The following GRIK1 variants were observed in gnomAD, a reference collection of about 807,000 sequenced individuals.
The protein encoded by GRIK1 is glutamate ionotropic receptor kainate type subunit 1.
GRIK1 carries 69 observed loss-of-function variants against 105.7 expected under a neutral mutation model. The ratio of observed to expected loss-of-function variants is 0.65; its 90% CI spans 0.54 to 0.80. GRIK1 has a LOEUF of 0.80. GRIK1 is among the 30% of genes least tolerant of loss of function. The pLI is 0.00. For missense variants in GRIK1, 1,109 were observed against 1,167.3 expected (o/e 0.95, Z 0.73); for synonymous variants, 438 against 431.3 (o/e 1.02, Z -0.19).
intron 1 of GRIK1, chr21:29,763,613 T>C (rs2065583659): frequency 6.6e-6 from 1 of 152,444 alleles, no homozygotes; most frequent in East Asian, 1.9e-4. Flanking sequence ...ACTCTGATGA[T>C]AGAACAAGAG....
rs762130891 is a variant in GRIK1 at position 29,582,695 on chromosome 21, G to C, written c.1794-1152C>G. ...CAAGTGGTACTTATTTTTCCAAAAA[G>C]ACATTAGCAGAAGCTCAACGAAGTG... On this transcript the variant is annotated intron_variant, in intron 12 of 17. Coordinates refer to ENST00000327783, the MANE Select transcript of GRIK1 (RefSeq NM_001330994.2). Among the ~76,000 whole-genome samples, 5 of 152,252 alleles carry C rather than the reference G, an allele frequency of 3.3e-5. 1 individual carries two copies. The highest frequency in any genetic ancestry group is 4.4e-5 in the Non-Finnish European group (3 of 68,022).
chr21:29,670,591 A>G (rs1163321164), intron 4 of GRIK1, among the ~76,000 whole-genome samples: 1 of 152,208 alleles, frequency 6.6e-6, no homozygotes, highest in East Asian at 1.9e-4. Context: ...GTGGCCAGTT[A>G]TGTGAGACAA....
intron 1 of GRIK1, among the ~76,000 whole-genome samples, chr21:29,895,937 G>A (rs2070134940): frequency 1.3e-5 from 2 of 152,114 alleles, no homozygotes; most frequent in African/African-American, 2.4e-5. Flanking sequence ...TCCTCTCCTT[G>A]TTTCCTTTGC....
rs2123630794 is a variant in GRIK1, at chr21:29,537,188, T to C, written c.*42A>G. 6.8e-7 allele frequency: 1 copy of C among 1,462,268 alleles called. No homozygotes were observed. The highest frequency in any genetic ancestry group is 2.3e-5 in the East Asian group (1 of 43,072). 90.6% of individuals were successfully genotyped at this position (1,462,268 alleles called of 1,614,324 possible). A position where few individuals can be genotyped will look rare whatever the true frequency, so the allele number is the denominator to read the frequency against. On this transcript the variant is annotated 3_prime_UTR_variant, in exon 18 of 18. Transcript: ENST00000327783. ...CAGAAATCCTTTCTCCAAAAATCTG[T>C]AGGGAATGCATCCTTTTTCTTCCTA...
chr21:29,887,104 T>C (rs1454006724), intron 1 of GRIK1, among the ~76,000 whole-genome samples: 1 of 152,212 alleles, frequency 6.6e-6, no homozygotes, highest in Non-Finnish European at 1.5e-5. Flanking sequence ...ATTATCTGAC[T>C]AGCTGAAACT....
At chr21:29,889,810 A>G (rs1254005799) in intron 1 of GRIK1, among the ~76,000 whole-genome samples, 2 of 152,094 alleles carry the variant, frequency 1.3e-5, no homozygotes, top group Non-Finnish European at 2.9e-5. Flanking sequence ...GGCATCCTGT[A>G]TTTTAAGTAA....
At chr21:29,896,329 C>A (rs1045111250) in intron 1 of GRIK1, among the ~76,000 whole-genome samples, 1 of 152,174 alleles carries the variant, frequency 6.6e-6, no homozygotes, top group African/African-American at 2.4e-5. Flanking sequence ...TTCAGTATCA[C>A]ACTGCAATAT....
intron 1 of GRIK1, among the ~76,000 whole-genome samples, chr21:29,857,541 T>C (rs1251876348): frequency 2.6e-5 from 4 of 152,210 alleles, no homozygotes; most frequent in Non-Finnish European, 4.4e-5. Flanking sequence ...TAGAAACAAC[T>C]TAAAGCCTTT....
intron 16 of GRIK1, among the ~76,000 whole-genome samples, chr21:29,546,374 A>G (rs187848409): frequency 6.6e-6 from 1 of 152,344 alleles, no homozygotes; most frequent in Non-Finnish European, 1.5e-5. Context: ...ACAGTGGCAT[A>G]CAAAATGTCT....
At chr21:29,814,373 T>C (rs1428410869) in intron 1 of GRIK1, among the ~76,000 whole-genome samples, 1 of 152,092 alleles carries the variant, frequency 6.6e-6, no homozygotes, top group Non-Finnish European at 1.5e-5. Context: ...CTTATGTAAC[T>C]TAGATGTTCC....
Position 29,587,529 on chromosome 21 carries a change from A to G in GRIK1, c.1630T>C (p.Phe544Leu). 1 of 1,613,880 alleles carries G rather than the reference A, an allele frequency of 6.2e-7. No individual in the cohort carries two copies. Among genetic ancestry groups the G allele is most frequent in the Non-Finnish European group, 8.5e-7 (1 of 1,179,776 alleles). The change falls in exon 12 of 18, where the codon TTC becomes CTC. Residue 544 changes from phenylalanine to leucine, a missense_variant. By Grantham distance (22) the Phe-to-Leu change is conservative (BLOSUM62 0). Transcript: ENST00000327783. ...CCTAGGGTCATGAAGGGTTTGGAGA[A>G]GTCAATGACTTTCTCCCGCACGTAG... ...ITYVREKVID[F>L]SKPFMTLGIS... is the part of the protein sequence containing the mutation.
At chr21:29,683,986 C>T (rs952446731) in intron 3 of GRIK1, among the ~76,000 whole-genome samples, 10 of 152,154 alleles carry the variant, frequency 6.6e-5, no homozygotes, top group East Asian at 3.8e-4. Context: ...TTTACTCAAA[C>T]GTTATTTTCT....
At chr21:29,603,402 C>T (rs1200179381) in intron 7 of GRIK1, among the ~76,000 whole-genome samples, 1 of 151,798 alleles carries the variant, frequency 6.6e-6, no homozygotes, top group Non-Finnish European at 1.5e-5. Flanking sequence ...CCAAGGGAGA[C>T]CATAATACCA....
chr21:29,807,189 T>A (rs1395481067), intron 1 of GRIK1, among the ~76,000 whole-genome samples: 1 of 152,180 alleles, frequency 6.6e-6, no homozygotes, highest in Non-Finnish European at 1.5e-5. Flanking sequence ...AAGCTATTGT[T>A]CATGACCTGG....
At chr21:29,790,739 C>G (rs2066391347) in intron 1 of GRIK1, among the ~76,000 whole-genome samples, 1 of 152,228 alleles carries the variant, frequency 6.6e-6, no homozygotes. Context: ...AGGGATGAGG[C>G]ACCATGCCCT....
intron 7 of GRIK1, among the ~76,000 whole-genome samples, chr21:29,609,756 ATTACACCAT>A (rs2061692849): frequency 6.6e-6 from 1 of 152,134 alleles, no homozygotes; most frequent in Non-Finnish European, 1.5e-5. Context: ...CTCAGACTGA[ATTACACCAT>A]CTGCTTTTCT....
intron 1 of GRIK1, among the ~76,000 whole-genome samples, chr21:29,746,933 C>T (rs766822527): frequency 6.6e-6 from 1 of 152,130 alleles, no homozygotes; most frequent in Non-Finnish European, 1.5e-5. Context: ...TTTTAGGTAG[C>T]CATTTTCTAC....
chr21:29,663,525 G>T (rs1323890195), intron 4 of GRIK1, among the ~76,000 whole-genome samples: 2 of 152,134 alleles, frequency 1.3e-5, no homozygotes, highest in Non-Finnish European at 2.9e-5. Flanking sequence ...GGAGATATTA[G>T]AATTAATTAG....
chr21:29,701,262 A>T (rs2063806643), intron 1 of GRIK1, among the ~76,000 whole-genome samples: 1 of 152,214 alleles, frequency 6.6e-6, no homozygotes, highest in South Asian at 2.1e-4. Context: ...ATTGGTCATG[A>T]ACAGGAAGAC....
Sources: gnomAD v4.1 joint callset for allele counts (sites outside exome capture counted in the v4.1 genomes callset) on GRCh38, gnomAD v4.1.1 for gene constraint, MANE v1.5 for transcripts, NCBI Gene and HGNC (gene_info 2026-07-23, HGNC 2026-07-21) for gene names.